Variants in PIAS1 observed in about 807,000 individuals in gnomAD.
The protein encoded by PIAS1 is protein inhibitor of activated STAT 1.
In PIAS1, 6 loss-of-function variants were observed where a neutral mutation model predicts 71.3. The ratio of observed to expected loss-of-function variants is 0.08; its 90% CI spans 0.05 to 0.17. The LOEUF (loss-of-function observed/expected upper bound fraction) is 0.17, where lower values mean the gene tolerates loss of function less well. Ranked by LOEUF, PIAS1 falls within the 10% of genes least tolerant of loss-of-function variation. The pLI is 1.00. For synonymous variants in PIAS1, 303 were observed against 292.9 expected (o/e 1.03, Z -0.35); for missense variants, 555 against 793.6 (o/e 0.70, Z 3.61).
intron 1 of PIAS1, among the ~76,000 whole-genome samples, chr15:68,060,864 A>G (rs976058231): frequency 1.3e-5 from 2 of 152,200 alleles, no homozygotes; most frequent in African/African-American, 2.4e-5. Flanking sequence ...TTGTATTTTT[A>G]GTAGAGACAG....
chr15:68,112,114 T>C (rs1320386009), intron 2 of PIAS1, among the ~76,000 whole-genome samples: 1 of 152,192 alleles, frequency 6.6e-6, no homozygotes, highest in Non-Finnish European at 1.5e-5. Flanking sequence ...CCCATGTGCC[T>C]ACATCTCTGT....
intron 1 of PIAS1, among the ~76,000 whole-genome samples, chr15:68,073,528 A>G (rs1217780498): frequency 6.6e-6 from 1 of 152,200 alleles, no homozygotes; most frequent in Non-Finnish European, 1.5e-5. Flanking sequence ...GAGAGCACAT[A>G]AAAGCGTAAA....
chr15:68,063,908 A>AT (rs1261346352), intron 1 of PIAS1, among the ~76,000 whole-genome samples: 2 of 47,480 alleles, frequency 4.2e-5, no homozygotes, highest in Admixed American at 1.8e-4. Context: ...TGCACTTGGA[A>AT]TTAAAAAAAA....
chr15:68,058,279 G>A (rs1028554629), intron 1 of PIAS1, among the ~76,000 whole-genome samples: 30 of 152,148 alleles, frequency 2.0e-4, no homozygotes, highest in Non-Finnish European at 4.4e-5. Context: ...GAAGCATCTT[G>A]CTTTTTTAAT....
intron 1 of PIAS1, chr15:68,057,510 G>A (rs188906799): frequency 1.4e-4 from 62 of 443,530 alleles, no homozygotes; most frequent in African/African-American, 1.2e-3. Flanking sequence ...AAGTCCATCA[G>A]CATTTTAGTG....
chr15:68,144,119 G>GAAAA (rs11330725), intron 4 of PIAS1, among the ~76,000 whole-genome samples: 1 of 124,596 alleles, frequency 8.0e-6, no homozygotes, highest in Admixed American at 8.3e-5. Flanking sequence ...CCAGGACTTG[G>GAAAA]AAAAAAAAAA....
intron 7 of PIAS1, among the ~76,000 whole-genome samples, chr15:68,160,903 A>C (rs1595778260): frequency 1.3e-5 from 2 of 152,232 alleles, no homozygotes; most frequent in South Asian, 4.1e-4. Flanking sequence ...AGAACAAGGC[A>C]AGGATATCTG....
chr15:68,072,438 G>A (rs2140966953), intron 1 of PIAS1, among the ~76,000 whole-genome samples: 1 of 148,622 alleles, frequency 6.7e-6, no homozygotes, highest in East Asian at 1.9e-4. Context: ...AGAGTTATGG[G>A]AAGTTGGGGC....
chr15:68,098,062 A>G (rs896411726), intron 2 of PIAS1, among the ~76,000 whole-genome samples: 9 of 152,114 alleles, frequency 5.9e-5, no homozygotes, highest in Non-Finnish European at 1.0e-4. Context: ...CTAATTGTAT[A>G]CTTTTCTGCT....
chr15:68,108,050 C>T (rs1230252137), intron 2 of PIAS1, among the ~76,000 whole-genome samples: 1 of 152,068 alleles, frequency 6.6e-6, no homozygotes, highest in Non-Finnish European at 1.5e-5. Flanking sequence ...TTTATATAAC[C>T]AAAGATTAAG....
At chr15:68,161,504 A>G (rs1361159803) in intron 7 of PIAS1, among the ~76,000 whole-genome samples, 1 of 148,868 alleles carries the variant, frequency 6.7e-6, no homozygotes, top group Non-Finnish European at 1.5e-5. Flanking sequence ...TTTTTTTTTT[A>G]ATAGAAATTG....
At chr15:68,127,344 A>G (rs1346111838) in intron 2 of PIAS1, among the ~76,000 whole-genome samples, 1 of 152,186 alleles carries the variant, frequency 6.6e-6, no homozygotes, top group Non-Finnish European at 1.5e-5. Context: ...TGTCTAGCTA[A>G]CTAGAGAGGA....
chr15:68,079,425 G>A (rs11854599), intron 1 of PIAS1, among the ~76,000 whole-genome samples: 4,343 of 152,060 alleles, frequency 0.029, 148 homozygotes, highest in African/African-American at 0.081. Context: ...TTAGAAATTT[G>A]CACTCTAAAT....
chr15:68,076,280 G>T (rs2140971546), intron 1 of PIAS1, among the ~76,000 whole-genome samples: 2 of 152,246 alleles, frequency 1.3e-5, no homozygotes, highest in South Asian at 4.1e-4. Context: ...GGAGGCCGAG[G>T]TGGGTGGATC....
At chr15:68,147,416 CTG>C (rs2092815719) in intron 6 of PIAS1, among the ~76,000 whole-genome samples, 1 of 152,004 alleles carries the variant, frequency 6.6e-6, no homozygotes, top group African/African-American at 2.4e-5. Flanking sequence ...TTCTCTATTG[CTG>C]TTTTTGTTAT....
chr15:68,092,929 A>G (rs2140989366), intron 2 of PIAS1, among the ~76,000 whole-genome samples: 1 of 152,342 alleles, frequency 6.6e-6, no homozygotes, highest in South Asian at 2.1e-4. Context: ...CCTTTTAGCC[A>G]ATCTAGTTGA....
chr15:68,155,470 A>C (rs954794915), intron 7 of PIAS1, among the ~76,000 whole-genome samples: 6 of 151,544 alleles, frequency 4.0e-5, no homozygotes, highest in African/African-American at 1.2e-4. Context: ...AAAAAAAAAA[A>C]AACCAAAAAC....
intron 1 of PIAS1, among the ~76,000 whole-genome samples, chr15:68,081,719 GA>G (rs2140977268): frequency 6.6e-6 from 1 of 151,980 alleles, no homozygotes; most frequent in South Asian, 2.1e-4. Context: ...AATGCACAAG[GA>G]AAAAGAAAAT....
chr15:68,112,345 A>G (rs1595734069), intron 2 of PIAS1, among the ~76,000 whole-genome samples: 1 of 152,110 alleles, frequency 6.6e-6, no homozygotes, highest in East Asian at 1.9e-4. Context: ...CTCCAGCTAC[A>G]TCCCTATTTT....
Sources: gnomAD v4.1 joint callset for allele counts (sites outside exome capture counted in the v4.1 genomes callset) on GRCh38, gnomAD v4.1.1 for gene constraint, MANE v1.5 for transcripts, NCBI Gene and HGNC (gene_info 2026-07-23, HGNC 2026-07-21) for gene names.